MUSK: variants seen among roughly 807,000 people sequenced by gnomAD.
The protein encoded by MUSK is muscle, skeletal receptor tyrosine-protein kinase.
MUSK carries 55 observed loss-of-function variants against 88.7 expected under a neutral mutation model. That is an observed-to-expected ratio of 0.62 (90% CI 0.50 to 0.78). The LOEUF (loss-of-function observed/expected upper bound fraction) is 0.78, where lower values mean the gene tolerates loss of function less well. Ranked by LOEUF, MUSK falls within the 30% of genes least tolerant of loss-of-function variation. The pLI is 0.00. For missense variants in MUSK, 1,015 were observed against 1,074.3 expected (o/e 0.94, Z 0.77); for synonymous variants, 387 against 391.9 (o/e 0.99, Z 0.15).
rs138306873 is a variant in MUSK, at chr9:110,711,106, G to T, written c.628+13640G>T. ...ACACACCGGAGCCTGTTGTGGGGTCGGGGGAGAGGGGAGGGATAGATAGCA... is the reference window on the plus strand; with the variant it reads ...ACACACCGGAGCCTGTTGTGGGGTCTGGGGAGAGGGGAGGGATAGATAGCA... On this transcript the variant is annotated intron_variant, in intron 5 of 14. Transcript: ENST00000374448. 9.5e-3 allele frequency among the ~76,000 whole-genome samples: 1,448 copies of T among 152,228 alleles called. 20 individuals carry two copies. The highest frequency in any genetic ancestry group is 0.033 in the African/African-American group (1,383 of 41,514).
chr9:110,759,146 G>A lies in MUSK; in HGVS notation c.914-3056G>A, dbSNP rs140120728. On this transcript the variant is annotated intron_variant, in intron 7 of 14. Coordinates refer to ENST00000374448, the MANE Select transcript of MUSK (RefSeq NM_005592.4). The stretch of plus-strand genomic sequence containing the variant: ...TACAAAAACAGACATATAGACCACT[G>A]GAAGAGAATAGAGAGCTCAGAAATA... Among the ~76,000 whole-genome samples, 167 of 152,238 alleles carry A rather than the reference G, an allele frequency of 1.1e-3. No homozygotes were observed. In the East Asian group the frequency reaches 0.011, roughly 10 times the overall value.
intron 3 of MUSK, among the ~76,000 whole-genome samples, chr9:110,689,070 TTATA>T (rs898804912): frequency 1.4e-5 from 2 of 138,938 alleles, no homozygotes; most frequent in South Asian, 2.1e-4. Context: ...ATAGCTATAG[TTATA>T]TATAGTTATA....
At chr9:110,753,875 C>T (rs985094614) in intron 7 of MUSK, among the ~76,000 whole-genome samples, 3 of 152,028 alleles carry the variant, frequency 2.0e-5, no homozygotes, top group African/African-American at 7.2e-5. Context: ...AAAAATGGAA[C>T]TTTGAACACT....
At position 110,747,762 on chromosome 9, in the gene MUSK, T is replaced by G. The variant is rs1416891382; in HGVS notation, c.875T>G (p.Phe292Cys). The G allele has an allele frequency of 6.2e-7, 1 of 1,613,700 alleles. No homozygotes were observed. The highest frequency in any genetic ancestry group is 1.3e-5 in the African/African-American group (1 of 74,880). ...CIATNKHGEK[F>C]STAKAAATIS... ...GCTACCAATAAGCATGGGGAGAAGT[T>G]CAGTACTGCCAAGGCTGCAGCCACC... The change falls in exon 7 of 15, where the codon TTC (phenylalanine) becomes TGC (cysteine). Residue 292 changes from phenylalanine to cysteine, a missense_variant. Coordinates refer to ENST00000374448, the MANE Select transcript of MUSK (RefSeq NM_005592.4).
intron 7 of MUSK, among the ~76,000 whole-genome samples, chr9:110,757,001 T>C (rs2077334235): frequency 6.6e-6 from 1 of 152,122 alleles, no homozygotes; most frequent in Non-Finnish European, 1.5e-5. Flanking sequence ...ATGCTGTGAG[T>C]AGTTGAAATG....
intron 6 of MUSK, among the ~76,000 whole-genome samples, chr9:110,740,888 G>GATAC (rs2077088680): frequency 6.6e-6 from 1 of 152,098 alleles, no homozygotes; most frequent in Non-Finnish European, 1.5e-5. Context: ...AAATAAGCCA[G>GATAC]ATACAGAAAG....
rs145952053 is a variant in MUSK, at chr9:110,683,775, T to A, written c.206+975T>A. 1.6e-3 allele frequency among the ~76,000 whole-genome samples: 242 copies of A among 152,288 alleles called. 2 individuals carry two copies. The highest frequency in any genetic ancestry group is 5.3e-3 in the African/African-American group (221 of 41,574). On this transcript the variant is annotated intron_variant, in intron 2 of 14. Coordinates refer to ENST00000374448, the MANE Select transcript of MUSK (RefSeq NM_005592.4). ...TTCATATGCCTGTTTGCCATCTGCATGTCTTCTTTCGAGAAATTGTTCAAA... is the reference window on the plus strand; with the variant it reads ...TTCATATGCCTGTTTGCCATCTGCAAGTCTTCTTTCGAGAAATTGTTCAAA...
chr9:110,784,449 T>C lies in MUSK; in HGVS notation c.1385-366T>C, dbSNP rs1184541956. Among the ~76,000 whole-genome samples, 8 of 152,206 alleles carry C rather than the reference T, an allele frequency of 5.3e-5. 1 individual carries two copies. The highest frequency in any genetic ancestry group is 5.2e-4 in the Admixed American group (8 of 15,276). On this transcript the variant is annotated intron_variant, in intron 11 of 14. Transcript: ENST00000374448. ...ACTGACAGTAAATGTATATAAAAGCTCAGCTCTAGACAATCCTGATGTCAA... is the reference window on the plus strand; with the variant it reads ...ACTGACAGTAAATGTATATAAAAGCCCAGCTCTAGACAATCCTGATGTCAA...
intron 1 of MUSK, among the ~76,000 whole-genome samples, 164 bp from the exon 2 acceptor site, chr9:110,682,510 G>C (rs1456498680): frequency 6.6e-6 from 1 of 152,086 alleles, no homozygotes; most frequent in Non-Finnish European, 1.5e-5. Flanking sequence ...TAGTTTGGAA[G>C]TAGAAACAAC....
intron 14 of MUSK, among the ~76,000 whole-genome samples, chr9:110,789,497 G>C (rs1453113257): frequency 6.6e-6 from 1 of 152,198 alleles, no homozygotes; most frequent in African/African-American, 2.4e-5. Context: ...TGTGGTTTTT[G>C]TCCAGGCACT....
chr9:110,694,215 CAAAAAA>C (rs1217917603), intron 3 of MUSK, among the ~76,000 whole-genome samples: 14 of 72,096 alleles, frequency 1.9e-4, no homozygotes, highest in South Asian at 5.3e-4. Context: ...ACTAAAAATA[CAAAAAA>C]AAAAAAAAAA....
At chr9:110,682,625 G>A (rs763898079) in intron 1 of MUSK, 49 bp from the exon 2 acceptor site, 1 of 1,596,068 alleles carries the variant, frequency 6.3e-7, no homozygotes, top group South Asian at 1.1e-5. Flanking sequence ...GGAAGGGTTA[G>A]TAAACAAAAT....
chr9:110,773,960 A>C (rs1450964179), intron 9 of MUSK, among the ~76,000 whole-genome samples: 1 of 152,176 alleles, frequency 6.6e-6, no homozygotes, highest in Non-Finnish European at 1.5e-5. Context: ...CTTTCATGTA[A>C]TATAAATAAT....
At position 110,801,116 on chromosome 9, in the gene MUSK, T is replaced by C; in HGVS notation, c.*128T>C. On this transcript the variant is annotated 3_prime_UTR_variant, in exon 15 of 15. Coordinates refer to ENST00000374448, the MANE Select transcript of MUSK (RefSeq NM_005592.4). ...AGAGTAAACATGAGTAGTGTGTTGTTTGCTTCCCAGGGAGAGCAAAGACAG... is the reference window on the plus strand; with the variant it reads ...AGAGTAAACATGAGTAGTGTGTTGTCTGCTTCCCAGGGAGAGCAAAGACAG... 1.2e-6 allele frequency: 1 copy of C among 849,002 alleles called. No homozygotes were observed. The highest frequency in any genetic ancestry group is 1.7e-6 in the Non-Finnish European group (1 of 597,062). The allele number at this position is 849,002 out of a possible 1,614,324, so 52.6% of individuals were successfully genotyped here.
In MUSK at chr9:110,776,657, TA is replaced by T; in HGVS notation, c.1384+4del. Reference sequence around the variant, plus strand: ...ATTATAACAAAGAAAACCTAAAAAGTAAGTAATTGTGTTTGTGCCCTTGAAA... The same window carrying T: ...ATTATAACAAAGAAAACCTAAAAAGTAGTAATTGTGTTTGTGCCCTTGAAA... On this transcript the variant is annotated splice_donor_region_variant and intron_variant, in intron 11 of 14. Transcript: ENST00000374448. 6.3e-7 allele frequency: 1 copy of T among 1,596,788 alleles called. No individual in the cohort carries two copies. The highest frequency in any genetic ancestry group is 8.6e-7 in the Non-Finnish European group (1 of 1,167,954).
intron 2 of MUSK, among the ~76,000 whole-genome samples, chr9:110,683,426 T>G (rs1169804857): frequency 6.6e-6 from 1 of 152,278 alleles, no homozygotes. Flanking sequence ...CTGAAAACAG[T>G]GCTGCAACAA....
At chr9:110,733,486 A>G (rs1413942419) in intron 5 of MUSK, among the ~76,000 whole-genome samples, 3 of 151,978 alleles carry the variant, frequency 2.0e-5, no homozygotes, top group Non-Finnish European at 4.4e-5. Flanking sequence ...CATCAAAATA[A>G]CCTCCTCTTA....
rs1008082527 is a variant in MUSK at position 110,787,079 on chromosome 9, G to A, written c.1779-611G>A. ...TGGACAAAGATTAAAAGGTTAGGAT[G>A]TGGCTGGGCGCGATGGCTCACACCT... On this transcript the variant is annotated intron_variant, in intron 13 of 14. Transcript: ENST00000374448. Among the ~76,000 whole-genome samples, 7 of 152,218 alleles carry A rather than the reference G, an allele frequency of 4.6e-5. 1 individual carries two copies. Among genetic ancestry groups the A allele is most frequent in the Admixed American group, 4.6e-4 (7 of 15,288 alleles).
chr9:110,765,708 G>A (rs2077470955), intron 8 of MUSK, among the ~76,000 whole-genome samples: 1 of 151,836 alleles, frequency 6.6e-6, no homozygotes, highest in Non-Finnish European at 1.5e-5. Context: ...CGAGTAGCTG[G>A]GATTACAGAT....
Sources: allele counts gnomAD v4.1 joint callset (sites outside exome capture counted in the v4.1 genomes callset), GRCh38; gene constraint gnomAD v4.1.1; transcripts MANE v1.5; gene names NCBI Gene and HGNC (gene_info 2026-07-23, HGNC 2026-07-21).